FRMD4A: variants seen among roughly 807,000 people sequenced by gnomAD.
FRMD4A encodes FERM domain containing 4A.
Under a neutral mutation model 129.1 loss-of-function variants are expected in FRMD4A, and 29 were observed. The ratio of observed to expected loss-of-function variants is 0.22; its 90% CI spans 0.17 to 0.31. The LOEUF (loss-of-function observed/expected upper bound fraction) is 0.31, where lower values mean the gene tolerates loss of function less well. FRMD4A is among the 10% of genes least tolerant of loss of function. FRMD4A has a pLI of 1.00. For synonymous variants in FRMD4A, 634 were observed against 571.6 expected (o/e 1.11, Z -1.56); for missense variants, 1,272 against 1,375.8 (o/e 0.92, Z 1.19).
At chr10:13,744,661 C>G (rs904798042) in intron 9 of FRMD4A, 38 of 152,172 alleles carry the variant, frequency 2.5e-4, no homozygotes, top group African/African-American at 8.7e-4. Context: ...TGTGCGAACT[C>G]CAGCGGGGGC....
At chr10:13,731,047 T>C (rs1327116408) in intron 12 of FRMD4A, among the ~76,000 whole-genome samples, 1 of 151,878 alleles carries the variant, frequency 6.6e-6, no homozygotes, top group Non-Finnish European at 1.5e-5. Flanking sequence ...AAAAGATTTT[T>C]TTTTTCTATT....
chr10:13,714,997 C>T (rs908285195), intron 12 of FRMD4A, among the ~76,000 whole-genome samples: 4 of 152,030 alleles, frequency 2.6e-5, no homozygotes, highest in Admixed American at 2.6e-4. Context: ...GGAGATCATG[C>T]CACTGCACTC....
chr10:14,041,031 A>ATAACTCCC (rs1565205794), intron 2 of FRMD4A, among the ~76,000 whole-genome samples: 1 of 152,252 alleles, frequency 6.6e-6, no homozygotes, highest in Non-Finnish European at 1.5e-5. Flanking sequence ...AAGGAATTAT[A>ATAACTCCC]TAACTCCCCT....
At chr10:14,239,533 A>G (rs745751068) in intron 2 of FRMD4A, among the ~76,000 whole-genome samples, 8 of 152,158 alleles carry the variant, frequency 5.3e-5, no homozygotes, top group Non-Finnish European at 7.3e-5. Context: ...AGGCTGAGGC[A>G]GGAGACTAGG....
At position 14,060,691 on chromosome 10, in the gene FRMD4A, T is replaced by C. The variant is rs1373597619; in HGVS notation, c.46-201779A>G. Among the ~76,000 whole-genome samples, 5 of 152,314 alleles carry C rather than the reference T, an allele frequency of 3.3e-5. No individual in the cohort carries two copies. In the East Asian group the frequency reaches 9.6e-4, roughly 29 times the overall value. On this transcript the variant is annotated intron_variant, in intron 2 of 24. Transcript: ENST00000357447. ...ATAAGGTACGCAAATCATTTCCATATATGGGAATTTGGTGGGTGATCAAGG... is the reference window on the plus strand; with the variant it reads ...ATAAGGTACGCAAATCATTTCCATACATGGGAATTTGGTGGGTGATCAAGG...
intron 2 of FRMD4A, among the ~76,000 whole-genome samples, chr10:14,249,073 G>A (rs980375475): frequency 2.0e-5 from 3 of 152,216 alleles, no homozygotes; most frequent in Admixed American, 1.3e-4. Context: ...ATAACCGGCC[G>A]GATGCAGTGG....
At chr10:13,843,953 A>C (rs1345310278) in intron 3 of FRMD4A, among the ~76,000 whole-genome samples, 7 of 152,252 alleles carry the variant, frequency 4.6e-5, no homozygotes, top group Non-Finnish European at 7.3e-5. Context: ...CACCAATTAA[A>C]GAGAAACTGT....
intron 2 of FRMD4A, among the ~76,000 whole-genome samples, chr10:14,113,449 G>T (rs962824660): frequency 3.3e-5 from 5 of 152,106 alleles, no homozygotes; most frequent in Non-Finnish European, 7.3e-5. Flanking sequence ...TTATTGTGAG[G>T]ATAAAGTATA....
chr10:14,052,061 GAGA>G (rs928998163), intron 2 of FRMD4A, among the ~76,000 whole-genome samples: 15 of 152,292 alleles, frequency 9.8e-5, no homozygotes, highest in African/African-American at 3.6e-4. Flanking sequence ...CAGACACAGA[GAGA>G]AGAACACCAT....
intron 6 of FRMD4A, among the ~76,000 whole-genome samples, chr10:13,764,729 C>T (rs922558701): frequency 6.6e-6 from 1 of 152,136 alleles, no homozygotes; most frequent in African/African-American, 2.4e-5. Context: ...CAAGCTTAAG[C>T]ACAAATATCC....
At chr10:13,724,170 C>T (rs1381939560) in intron 12 of FRMD4A, among the ~76,000 whole-genome samples, 2 of 152,138 alleles carry the variant, frequency 1.3e-5, no homozygotes, top group African/African-American at 2.4e-5. Context: ...AGGCGGATCA[C>T]GAGGTCAGGA....
Position 13,837,879 on chromosome 10 carries a change from C to T in FRMD4A, c.111+20968G>A, listed in dbSNP as rs183717338. On this transcript the variant is annotated intron_variant, in intron 3 of 24. Transcript: ENST00000357447. Reference sequence around the variant, plus strand: ...TTTCCTCACTCTCTTCTTCCTGCTTCCTGTTCTGATGACATGACAGCAATC... The same window carrying T: ...TTTCCTCACTCTCTTCTTCCTGCTTTCTGTTCTGATGACATGACAGCAATC... 1.8e-3 allele frequency among the ~76,000 whole-genome samples: 277 copies of T among 152,310 alleles called. 1 individual carries two copies. Among genetic ancestry groups the T allele is most frequent in the Middle Eastern group, 0.017 (5 of 294 alleles).
intron 3 of FRMD4A, among the ~76,000 whole-genome samples, chr10:13,811,112 C>T (rs1040269062): frequency 2.0e-5 from 3 of 151,762 alleles, no homozygotes; most frequent in African/African-American, 7.3e-5. Flanking sequence ...CAGATAGAGA[C>T]CTTCTGTTTT....
intron 2 of FRMD4A, among the ~76,000 whole-genome samples, chr10:14,125,652 A>G (rs1410646690): frequency 1.3e-5 from 2 of 152,192 alleles, no homozygotes; most frequent in African/African-American, 2.4e-5. Flanking sequence ...GCAAATGTGT[A>G]TCTACCACTG....
intron 5 of FRMD4A, among the ~76,000 whole-genome samples, chr10:13,783,742 G>A (rs2092791327): frequency 6.6e-6 from 1 of 152,158 alleles, no homozygotes; most frequent in Non-Finnish European, 1.5e-5. Flanking sequence ...TCCCGAAGGT[G>A]GTGAAGTGTG....
chr10:13,691,671 C>T lies in FRMD4A; in HGVS notation c.1117+2227G>A, dbSNP rs1291030381. On this transcript the variant is annotated intron_variant, in intron 15 of 24. Transcript: ENST00000357447. ...TTTTGACAAGCCCTCCAAGTGGTTT[C>T]GATGCACGCCGAAGTTTGAGAACCA... Among the ~76,000 whole-genome samples the T allele has an allele frequency of 4.6e-5, 7 of 152,274 alleles. No individual in the cohort carries two copies. In the East Asian group the frequency reaches 5.8e-4, roughly 13 times the overall value.
At chr10:14,254,247 C>A (rs1253814153) in intron 2 of FRMD4A, among the ~76,000 whole-genome samples, 1 of 152,250 alleles carries the variant, frequency 6.6e-6, no homozygotes, top group Non-Finnish European at 1.5e-5. Context: ...CTTCCAGAAA[C>A]TCATCACTAT....
chr10:14,004,856 C>A (rs2095656122), intron 2 of FRMD4A, among the ~76,000 whole-genome samples: 1 of 152,112 alleles, frequency 6.6e-6, no homozygotes, highest in African/African-American at 2.4e-5. Flanking sequence ...TCTTGTCACC[C>A]CACCCTGCTG....
intron 3 of FRMD4A, among the ~76,000 whole-genome samples, chr10:13,841,999 A>G (rs990239291): frequency 1.3e-5 from 2 of 152,150 alleles, no homozygotes; most frequent in South Asian, 2.1e-4. Flanking sequence ...TATTACAACT[A>G]TCCTTCCTCT....
Sources: gnomAD v4.1 joint callset for allele counts (sites outside exome capture counted in the v4.1 genomes callset) on GRCh38, gnomAD v4.1.1 for gene constraint, MANE v1.5 for transcripts, NCBI Gene and HGNC (gene_info 2026-07-23, HGNC 2026-07-21) for gene names.